Variants in MEGF6 observed in about 807,000 individuals in gnomAD.
MEGF6 encodes the protein multiple epidermal growth factor-like domains protein 6.
A neutral mutation model predicts 207.1 loss-of-function variants in MEGF6; 184 were observed. The observed-to-expected ratio is 0.89, with a 90% CI of 0.79 to 1.00. The LOEUF is 1.00. Ranked by LOEUF, MEGF6 falls within the 50% of genes least tolerant of loss-of-function variation. The pLI, the probability that MEGF6 is intolerant of heterozygous loss-of-function variation, is 0.00. For synonymous variants in MEGF6, 1,038 were observed against 910.0 expected (o/e 1.14, Z -2.53); for missense variants, 2,282 against 2,202.9 (o/e 1.04, Z -0.72).
intron 32 of MEGF6, 50 bp from the exon 33 acceptor site, chr1:3,494,174 T>A: frequency 1.3e-6 from 2 of 1,520,516 alleles, no homozygotes; most frequent in Admixed American, 2.1e-5. Flanking sequence ...GGCAGAAATG[T>A]CCAGTTTGCC....
intron 4 of MEGF6, among the ~76,000 whole-genome samples, chr1:3,572,760 C>T (rs568873547): frequency 3.5e-5 from 5 of 143,454 alleles, no homozygotes; most frequent in African/African-American, 1.0e-4. Flanking sequence ...CCTGTGTGTG[C>T]TGGGTTCTCC....
Position 3,557,668 on chromosome 1 carries a change from C to G in MEGF6, c.481+22157G>C, listed in dbSNP as rs956952224. Among the ~76,000 whole-genome samples the G allele has an allele frequency of 3.3e-5, 5 of 152,328 alleles. 1 individual carries two copies. In the South Asian group the frequency reaches 1.0e-3, roughly 32 times the overall value. Reference sequence around the variant, plus strand: ...ATCCCTCGCTCACTCCCACAGCCAGCGCTGCGGAGCACCGAGGGATGCCCA... The same window carrying G: ...ATCCCTCGCTCACTCCCACAGCCAGGGCTGCGGAGCACCGAGGGATGCCCA... On this transcript the variant is annotated intron_variant, in intron 4 of 36. Coordinates refer to ENST00000356575, the MANE Select transcript of MEGF6 (RefSeq NM_001409.4).
rs374619419 is a variant in MEGF6 at position 3,501,913 on chromosome 1, C to T, written c.2197G>A (p.Val733Met). The T allele has an allele frequency of 6.8e-5, 109 of 1,600,150 alleles. No homozygotes were observed. In the African/African-American group the frequency reaches 1.3e-3, roughly 19 times the overall value. ...GAGCAGTTCACGCCAAACGTCCCCA[C>T]CGGGCACTCTGCAGGAGAAAGCACG... ...QGEDCGQECP[V>M]GTFGVNCSSS... The change falls in exon 18 of 37, where the codon GTG (valine) becomes ATG (methionine). Residue 733 changes from valine (V) to methionine (M), a missense_variant. Val to Met is a conservative substitution (Grantham distance 21, BLOSUM62 1). Coordinates refer to ENST00000356575, the MANE Select transcript of MEGF6 (RefSeq NM_001409.4).
chr1:3,514,779 C>T (rs1461988210), intron 6 of MEGF6, 107 bp from the exon 7 acceptor site: 7 of 1,278,754 alleles, frequency 5.5e-6, no homozygotes, highest in Non-Finnish European at 2.1e-6. Flanking sequence ...GCTCTCCCCA[C>T]TCTGTGCTCC....
Position 3,595,786 on chromosome 1 carries a change from G to A in MEGF6, c.267-339C>T, listed in dbSNP as rs147563086. ...CTGGCGTTGGGACGCACATCTCACCGCTCACTCGGCTCTCAGTACCAGGCA... is the reference window on the plus strand; with the variant it reads ...CTGGCGTTGGGACGCACATCTCACCACTCACTCGGCTCTCAGTACCAGGCA... On this transcript the variant is annotated intron_variant, in intron 2 of 36. Coordinates refer to ENST00000356575, the MANE Select transcript of MEGF6 (RefSeq NM_001409.4). Among the ~76,000 whole-genome samples, 117 of 152,254 alleles carry A rather than the reference G, an allele frequency of 7.7e-4. No homozygotes were observed. The East Asian group carries it at 7.7e-3, about 10-fold the overall frequency.
At chr1:3,561,539 C>T (rs760245701) in intron 4 of MEGF6, among the ~76,000 whole-genome samples, 20 of 152,180 alleles carry the variant, frequency 1.3e-4, no homozygotes, top group Non-Finnish European at 2.4e-4. Flanking sequence ...CCTGGATGGT[C>T]GGGGACCATG....
At chr1:3,491,790 G>A (rs1475988780) in intron 35 of MEGF6, among the ~76,000 whole-genome samples, 3 of 149,962 alleles carry the variant, frequency 2.0e-5, no homozygotes, top group East Asian at 2.0e-4. Flanking sequence ...GGGGGGGTGC[G>A]GGCAGCAAAG....
At chr1:3,609,376 G>A (rs1644295431) in intron 1 of MEGF6, among the ~76,000 whole-genome samples, 2 of 152,348 alleles carry the variant, frequency 1.3e-5, no homozygotes, top group Non-Finnish European at 1.5e-5. Context: ...CTGGCTGCAC[G>A]TCCAGGCACG....
intron 4 of MEGF6, among the ~76,000 whole-genome samples, chr1:3,578,109 A>G (rs1243738307): frequency 6.6e-6 from 1 of 152,084 alleles, no homozygotes; most frequent in Non-Finnish European, 1.5e-5. Context: ...CTCCCCTCCC[A>G]GAGGACACGG....
At position 3,560,464 on chromosome 1, in the gene MEGF6, T is replaced by TA. The variant is rs1416683648; in HGVS notation, c.481+19360_481+19361insT. ...CTCTGTGCTCCGCCTATTCACCCCT[T>TA]CCTCCCTCCTTCCTCACCCCTGGCA... is the stretch of plus-strand genomic sequence containing the variant. On this transcript the variant is annotated intron_variant, in intron 4 of 36. Coordinates refer to ENST00000356575, the MANE Select transcript of MEGF6 (RefSeq NM_001409.4). The surrounding 1 kb of genome is among the most constrained non-coding windows in gnomAD (Gnocchi z 4.0). Among the ~76,000 whole-genome samples the TA allele has an allele frequency of 6.6e-6, 1 of 152,120 alleles. No homozygotes were observed. Among genetic ancestry groups the TA allele is most frequent in the African/African-American group, 2.4e-5 (1 of 41,412 alleles).
Position 3,498,725 on chromosome 1 carries a change from C to T in MEGF6, c.3196G>A (p.Gly1066Ser), listed in dbSNP as rs961892379. ...TTCTCACAGGCCAGGCCGGCCCAGCCCTCTGGGCACGCACAGTGGCCTGAG... is the reference window on the plus strand; with the variant it reads ...TTCTCACAGGCCAGGCCGGCCCAGCTCTCTGGGCACGCACAGTGGCCTGAG... The part of the protein sequence containing the change: ...PVSGHCACPE[G>S]WAGLACEKEC... The change falls in exon 25 of 37, where the codon GGC (glycine) becomes AGC (serine). Residue 1066 changes from glycine to serine, a missense_variant. Transcript: ENST00000356575. The T allele has an allele frequency of 6.4e-7, 1 of 1,568,014 alleles. No homozygotes were observed. Among genetic ancestry groups the T allele is most frequent in the Non-Finnish European group, 8.6e-7 (1 of 1,158,982 alleles).
chr1:3,550,730 C>T (rs1170504143), intron 4 of MEGF6, among the ~76,000 whole-genome samples: 1 of 152,256 alleles, frequency 6.6e-6, no homozygotes, highest in Non-Finnish European at 1.5e-5. Context: ...AGCCACCCAA[C>T]CGGGGCAGGG....
In MEGF6 at chr1:3,495,915, C is replaced by T. The variant is rs535126599; in HGVS notation, c.3846G>A (p.Gly1282=). Residue 1282 remains glycine (G), a synonymous_variant, in exon 30 of 37, where the codon GGG becomes GGA. Transcript: ENST00000356575. ...PVTGTCLCPP[G]RAGVRCERGC... is the part of the protein sequence containing the mutation. ...CTCGCTCACAGCGGACGCCGGCTCT[C>T]CCCGGGGGGCAGAGGCAGGTGCCGG... 47 of 1,597,708 alleles carry T rather than the reference C, an allele frequency of 2.9e-5. No individual in the cohort carries two copies. In the African/African-American group the frequency reaches 4.9e-4, roughly 17 times the overall value.
At chr1:3,542,807 C>T (rs535009509) in intron 4 of MEGF6, among the ~76,000 whole-genome samples, 1 of 152,314 alleles carries the variant, frequency 6.6e-6, no homozygotes, top group South Asian at 2.1e-4. Flanking sequence ...CTGACACCAA[C>T]GGCTGGTTCT....
chr1:3,520,632 G>A lies in MEGF6; in HGVS notation c.604+3492C>T, dbSNP rs1641710652. On this transcript the variant is annotated intron_variant, in intron 5 of 36. Transcript: ENST00000356575. ...CAGGACTCGGCGGCCAGGGCAATGG[G>A]GCACACCAGGACTGGGCGGGCAGGG... 2.0e-5 allele frequency among the ~76,000 whole-genome samples: 3 copies of A among 152,224 alleles called. No homozygotes were observed. The South Asian group carries it at 6.2e-4, about 32-fold the overall frequency.
At chr1:3,557,713 G>T (rs898638094) in intron 4 of MEGF6, among the ~76,000 whole-genome samples, 3 of 152,222 alleles carry the variant, frequency 2.0e-5, no homozygotes, top group Non-Finnish European at 4.4e-5. Flanking sequence ...AGGAGAGACG[G>T]GGGGCCCAGG....
chr1:3,564,772 G>A (rs1018981670), intron 4 of MEGF6, among the ~76,000 whole-genome samples: 1 of 151,828 alleles, frequency 6.6e-6, no homozygotes, highest in East Asian at 1.9e-4. Flanking sequence ...TCTGCACCAG[G>A]CTCCCCCAAA....
chr1:3,524,870 A>G (rs1044864529), intron 4 of MEGF6, among the ~76,000 whole-genome samples: 2 of 152,150 alleles, frequency 1.3e-5, no homozygotes, highest in African/African-American at 4.8e-5. Context: ...AGAGACACAC[A>G]GAGAGGGCCA....
At chr1:3,611,818 C>A (rs1224290906), upstream of MEGF6, among the ~76,000 whole-genome samples, 1 of 151,634 alleles carries the variant, frequency 6.6e-6, no homozygotes, top group African/African-American at 2.4e-5. Flanking sequence ...CTTTGCGCTC[C>A]CTGCTCGTCT....
Sources: gnomAD v4.1 joint callset for allele counts (sites outside exome capture counted in the v4.1 genomes callset) on GRCh38, gnomAD v4.1.1 for gene constraint, Gnocchi (gnomAD v3.1) non-coding constraint, MANE v1.5 for transcripts, NCBI Gene and HGNC (gene_info 2026-07-23, HGNC 2026-07-21) for gene names.